The following DNAH9 variants were observed in gnomAD, a reference collection of about 807,000 sequenced individuals.
DNAH9 encodes dynein axonemal heavy chain 9, also known as DNAH9 variant protein.
DNAH9 carries 345 observed loss-of-function variants against 471.6 expected under a neutral mutation model. That is an observed-to-expected ratio of 0.73 (90% CI 0.67 to 0.80). The LOEUF (loss-of-function observed/expected upper bound fraction) is 0.80. Ranked by LOEUF, DNAH9 falls within the 30% of genes least tolerant of loss-of-function variation. The pLI, the probability that DNAH9 is intolerant of heterozygous loss-of-function variation, is 0.00. For synonymous variants in DNAH9, 2,093 were observed against 2,123.6 expected (o/e 0.99, Z 0.40); for missense variants, 5,407 against 5,609.2 (o/e 0.96, Z 1.15).
chr17:11,798,489 G>C (rs1309682659), intron 43 of DNAH9, among the ~76,000 whole-genome samples: 1 of 141,304 alleles, frequency 7.1e-6, no homozygotes, highest in Non-Finnish European at 1.5e-5. Context: ...TAGAGGGTTT[G>C]TATTCAAGTG....
At chr17:11,600,439 A>G (rs936993679) in intron 1 of DNAH9, among the ~76,000 whole-genome samples, 4 of 152,220 alleles carry the variant, frequency 2.6e-5, no homozygotes, top group African/African-American at 9.6e-5. Flanking sequence ...CAGAAGGCCC[A>G]TCTCAGAGTT....
chr17:11,936,729 C>T (rs1974725842), intron 65 of DNAH9, among the ~76,000 whole-genome samples: 1 of 152,150 alleles, frequency 6.6e-6, no homozygotes, highest in Admixed American at 6.6e-5. Context: ...AGACTCTAGC[C>T]ACTAGCACTG....
intron 58 of DNAH9, 105 bp from the exon 59 acceptor site, chr17:11,894,269 A>T (rs1282586866): frequency 6.8e-7 from 1 of 1,472,662 alleles, no homozygotes; most frequent in Non-Finnish European, 9.2e-7. Flanking sequence ...TGATGGGCAA[A>T]CTAGTATTAG....
At chr17:11,924,545 T>G (rs922321923) in intron 62 of DNAH9, among the ~76,000 whole-genome samples, 2 of 152,046 alleles carry the variant, frequency 1.3e-5, no homozygotes, top group Non-Finnish European at 2.9e-5. Flanking sequence ...CTATTAAATT[T>G]TATTTAACCC....
Position 11,825,033 on chromosome 17 carries a change from C to T in DNAH9, c.9246+1999C>T, listed in dbSNP as rs138864630. ...AAACATGAGATCACTTCAAACTCAA[C>T]GTTTGCCAACAAATGGCATGTGCAA... On this transcript the variant is annotated intron_variant, in intron 48 of 68. Transcript: ENST00000262442. Among the ~76,000 whole-genome samples, 10 of 152,098 alleles carry T rather than the reference C, an allele frequency of 6.6e-5. No homozygotes were observed. The South Asian group carries it at 8.3e-4, about 13-fold the overall frequency.
chr17:11,793,756 T>C (rs887471411), intron 42 of DNAH9, 92 bp downstream of exon 42: 2 of 1,131,632 alleles, frequency 1.8e-6, no homozygotes, highest in South Asian at 1.6e-5. Flanking sequence ...AGCTGTTTAA[T>C]GGAGAAAGGC....
intron 43 of DNAH9, among the ~76,000 whole-genome samples, chr17:11,803,467 ATC>A (rs1448095719): frequency 2.0e-5 from 3 of 152,160 alleles, no homozygotes; most frequent in Non-Finnish European, 4.4e-5. Flanking sequence ...GCGATGGTGC[ATC>A]TTCAGCTTTT....
At chr17:11,708,910 G>A (rs1047573277) in intron 26 of DNAH9, among the ~76,000 whole-genome samples, 2 of 151,982 alleles carry the variant, frequency 1.3e-5, no homozygotes, top group Non-Finnish European at 2.9e-5. Context: ...CACACAATGG[G>A]CACTCAAGAA....
chr17:11,644,386 G>A (rs1328661819), intron 10 of DNAH9, among the ~76,000 whole-genome samples: 1 of 152,126 alleles, frequency 6.6e-6, no homozygotes. Flanking sequence ...GGGTGCTGGT[G>A]GAGCTGCGGG....
rs199891855 is a variant in DNAH9, at chr17:11,891,789, G to A, written c.11125G>A (p.Val3709Ile). The A allele has an allele frequency of 4.3e-4, 697 of 1,614,052 alleles. 8 individuals are homozygous for A. The South Asian group carries it at 4.4e-3, about 10-fold the overall frequency. The change falls in exon 58 of 69, where the codon GTC becomes ATC. Residue 3709 changes from valine (V) to isoleucine (I), a missense_variant. Coordinates refer to ENST00000262442, the MANE Select transcript of DNAH9 (RefSeq NM_001372.4). ...YQFSLKAFSIVFQKAVERAAP... is the reference protein window; with the variant it reads ...YQFSLKAFSIIFQKAVERAAP... Reference sequence around the variant, plus strand: ...CTTCTGTCCCCAGGCCTTCAGTATCGTCTTCCAGAAGGCTGTGGAGAGGGC... The same window carrying A: ...CTTCTGTCCCCAGGCCTTCAGTATCATCTTCCAGAAGGCTGTGGAGAGGGC...
intron 39 of DNAH9, among the ~76,000 whole-genome samples, chr17:11,781,403 C>T (rs913927087): frequency 1.3e-5 from 2 of 152,208 alleles, no homozygotes; most frequent in African/African-American, 4.8e-5. Context: ...AGACACTGAG[C>T]TCTCATCTAA....
At chr17:11,759,138 G>C in intron 35 of DNAH9, among the ~76,000 whole-genome samples, 1 of 126,380 alleles carries the variant, frequency 7.9e-6, no homozygotes, top group Non-Finnish European at 1.7e-5. Context: ...AGTTTTATTT[G>C]TATAGATTTA....
Position 11,704,233 on chromosome 17 carries a change from A to G in DNAH9, c.5182A>G (p.Thr1728Ala), listed in dbSNP as rs770216415. The change falls in exon 25 of 69, where the codon ACA (threonine) becomes GCA (alanine). Residue 1728 changes from threonine (T) to alanine (A), a missense_variant. Transcript: ENST00000262442. ...VALTCTQIWW[T>A]TEVGMAFARL... ...CCTGACCTGTACTCAGATCTGGTGG[A>G]CAACAGAAGTGGGCATGGCATTTGC... The G allele has an allele frequency of 3.7e-6, 6 of 1,614,044 alleles. No homozygotes were observed. The African/African-American group carries it at 6.7e-5, about 18-fold the overall frequency.
At chr17:11,846,462 C>T (rs78985183) in intron 49 of DNAH9, among the ~76,000 whole-genome samples, 2,231 of 150,514 alleles carry the variant, frequency 0.015, 52 homozygotes, top group African/African-American at 0.052. Context: ...GTTCTTTTGG[C>T]TTAGGATTGA....
At chr17:11,757,227 A>G (rs1967432879) in intron 34 of DNAH9, among the ~76,000 whole-genome samples, 1 of 152,070 alleles carries the variant, frequency 6.6e-6, no homozygotes, top group South Asian at 2.1e-4. Flanking sequence ...TGTAGTGTGC[A>G]CTTAAAAAAA....
intron 24 of DNAH9, among the ~76,000 whole-genome samples, chr17:11,702,830 C>T (rs544684964): frequency 7.9e-5 from 12 of 152,170 alleles, no homozygotes; most frequent in Non-Finnish European, 1.2e-4. Context: ...TGATGGCTCA[C>T]GCCTGTAATC....
chr17:11,961,084 G>A (rs1463991393), intron 67 of DNAH9, among the ~76,000 whole-genome samples: 1 of 152,164 alleles, frequency 6.6e-6, no homozygotes, highest in Non-Finnish European at 1.5e-5. Context: ...GGAGGCTGAG[G>A]TGGGCTGATC....
chr17:11,776,976 G>A (rs113861122), intron 38 of DNAH9, among the ~76,000 whole-genome samples: 95 of 152,226 alleles, frequency 6.2e-4, no homozygotes, highest in African/African-American at 2.1e-3. Flanking sequence ...ATAATGGTCC[G>A]CCCTTGGGTT....
At chr17:11,783,101 G>A (rs966380897) in intron 39 of DNAH9, among the ~76,000 whole-genome samples, 3 of 152,076 alleles carry the variant, frequency 2.0e-5, no homozygotes, top group Admixed American at 2.0e-4. Flanking sequence ...TTGCAAGCTT[G>A]TCCAGCTGCC....
Sources: gnomAD v4.1 joint callset for allele counts (sites outside exome capture counted in the v4.1 genomes callset) on GRCh38, gnomAD v4.1.1 for gene constraint, MANE v1.5 for transcripts, NCBI Gene and HGNC (gene_info 2026-07-23, HGNC 2026-07-21) for gene names.